Variants in OTULIN observed in about 807,000 individuals in gnomAD.
The protein encoded by OTULIN is OTU deubiquitinase with linear linkage specificity, also known as ubiquitin thioesterase otulin.
In OTULIN, 15 loss-of-function variants were observed where a neutral mutation model predicts 39.6. The ratio of observed to expected loss-of-function variants is 0.38; its 90% CI spans 0.25 to 0.58. The LOEUF (loss-of-function observed/expected upper bound fraction) is 0.58. Among genes scored for constraint, OTULIN ranks in the 20% least tolerant of loss-of-function variants. The pLI is 0.66. For synonymous variants in OTULIN, 156 were observed against 170.3 expected (o/e 0.92, Z 0.65); for missense variants, 319 against 445.9 (o/e 0.72, Z 2.56).
At chr5:14,707,353 A>C in the OTULIN span, 7 of 152,000 alleles carry the variant, frequency 4.6e-5, no homozygotes, top group African/African-American at 1.7e-4. Context: ...CTAGAAACCA[A>C]GGATATAGAA....
At chr5:14,672,754 A>G (rs1304767662) in intron 1 of OTULIN, among the ~76,000 whole-genome samples, 1 of 152,062 alleles carries the variant, frequency 6.6e-6, no homozygotes, top group Non-Finnish European at 1.5e-5. Flanking sequence ...ACGGATGCCC[A>G]TCTCCCAGCC....
At chr5:14,681,708 A>G (rs113459239) in intron 4 of OTULIN, 101 bp downstream of exon 4, 1 of 1,324,840 alleles carries the variant, frequency 7.5e-7, no homozygotes, top group African/African-American at 1.5e-5. Flanking sequence ...CGTCTGCAGT[A>G]TGATGTCAGC....
At chr5:14,711,205 T>G in the OTULIN span, 1 of 1,613,966 alleles carries the variant, frequency 6.2e-7, no homozygotes, top group Non-Finnish European at 8.5e-7. Flanking sequence ...CCTTATTCAT[T>G]CTCCTCTCTC....
Position 14,670,650 on chromosome 5 carries a change from G to T in OTULIN, c.153-2992G>T, listed in dbSNP as rs142677913. Among the ~76,000 whole-genome samples the T allele has an allele frequency of 2.4e-3, 371 of 152,268 alleles. 3 individuals carry two copies. Among genetic ancestry groups the T allele is most frequent in the African/African-American group, 8.4e-3 (351 of 41,542 alleles). ...GACAGGGTCTCACTCTATTGCCTGG[G>T]CAGGAGTGCAGTGGTGTGATCATAG... On this transcript the variant is annotated intron_variant, in intron 1 of 6. Transcript: ENST00000284274.
At chr5:14,671,085 T>G (rs1735967969) in intron 1 of OTULIN, among the ~76,000 whole-genome samples, 1 of 152,226 alleles carries the variant, frequency 6.6e-6, no homozygotes. Flanking sequence ...CCCTTTGCAT[T>G]TAGTTCTCCT....
rs890785748 is a variant in OTULIN, at chr5:14,687,403, T to C, written c.469-118T>C. 1.4e-5 allele frequency: 17 copies of C among 1,246,416 alleles called. No individual in the cohort carries two copies. The African/African-American group carries it at 2.5e-4, about 18-fold the overall frequency. 77.2% of individuals were successfully genotyped at this position (1,246,416 alleles called of 1,614,324 possible). A position where few individuals can be genotyped will look rare whatever the true frequency, so the allele number is the denominator to read the frequency against. ...AAGCCCACATCACAGATTTGCAGAA[T>C]TAATTCTGGAAACAAAGTTAGGTTT... On this transcript the variant is annotated intron_variant, in intron 4 of 6. Transcript: ENST00000284274.
rs375600189 is a variant in OTULIN at position 14,666,629 on chromosome 5, G to A, written c.152+1652G>A. Among the ~76,000 whole-genome samples, 18 of 152,222 alleles carry A rather than the reference G, an allele frequency of 1.2e-4. No individual in the cohort carries two copies. In the East Asian group the frequency reaches 3.5e-3, roughly 29 times the overall value. ...AAGTTTGCTTCCCAGTAGATGTCCC[G>A]GTTTGTGTGTGTGGTTTTTAGCAGC... is the stretch of plus-strand genomic sequence containing the variant. On this transcript the variant is annotated intron_variant, in intron 1 of 6. Coordinates refer to ENST00000284274, the MANE Select transcript of OTULIN (RefSeq NM_138348.6).
intron 2 of OTULIN, among the ~76,000 whole-genome samples, chr5:14,677,218 GGTTTA>G (rs1183779310): frequency 1.3e-5 from 2 of 152,028 alleles, no homozygotes; most frequent in African/African-American, 4.8e-5. Context: ...ATCACACCCT[GGTTTA>G]TAAGTGCTTG....
chr5:14,676,409 A>AG (rs2126819520), intron 2 of OTULIN, among the ~76,000 whole-genome samples: 1 of 152,340 alleles, frequency 6.6e-6, no homozygotes, highest in African/African-American at 2.4e-5. Context: ...CCTGGCATGT[A>AG]GTAGCCATTG....
chr5:14,706,038 T>G, the OTULIN span: 1 of 152,192 alleles, frequency 6.6e-6, no homozygotes, highest in Non-Finnish European at 1.5e-5. Context: ...GGTACAACCA[T>G]TTTTAGCTGG....
rs142864687 is a variant in OTULIN, at chr5:14,683,622, C to T, written c.468+2015C>T. On this transcript the variant is annotated intron_variant, in intron 4 of 6. Transcript: ENST00000284274. Reference sequence around the variant, plus strand: ...ATGTTCTTAGCTACTCAGGAGGCTGCGCTGGCAACTGTGGCTATATTATAT... The same window carrying T: ...ATGTTCTTAGCTACTCAGGAGGCTGTGCTGGCAACTGTGGCTATATTATAT... 3.8e-3 allele frequency among the ~76,000 whole-genome samples: 573 copies of T among 152,232 alleles called. 1 individual carries two copies. Among genetic ancestry groups the T allele is most frequent in the Admixed American group, 6.0e-3 (92 of 15,296 alleles).
At chr5:14,683,313 T>A (rs772076167) in intron 4 of OTULIN, among the ~76,000 whole-genome samples, 2 of 152,198 alleles carry the variant, frequency 1.3e-5, no homozygotes, top group South Asian at 2.1e-4. Flanking sequence ...TAAGCAAAGA[T>A]GCATGCCATC....
the OTULIN span, chr5:14,713,000 T>C: frequency 6.2e-7 from 1 of 1,601,480 alleles, no homozygotes; most frequent in East Asian, 2.2e-5. Context: ...AAAGGCAATT[T>C]GTCTGTTAAG....
intron 1 of OTULIN, among the ~76,000 whole-genome samples, chr5:14,665,206 C>T (rs1735802824): frequency 6.6e-6 from 1 of 152,228 alleles, no homozygotes; most frequent in Non-Finnish European, 1.5e-5. Flanking sequence ...CCCCTCTCGT[C>T]TCATTTTTGA....
chr5:14,688,773 T>C (rs1736450292), intron 5 of OTULIN, among the ~76,000 whole-genome samples: 1 of 152,164 alleles, frequency 6.6e-6, no homozygotes, highest in Non-Finnish European at 1.5e-5. Context: ...AGTGGAAGGC[T>C]GACGGCAGGG....
the OTULIN span, chr5:14,710,313 C>T: frequency 6.6e-6 from 1 of 152,226 alleles, no homozygotes; most frequent in Non-Finnish European, 1.5e-5. Context: ...CTCCATGTGA[C>T]TCGCTCTAAT....
intron 4 of OTULIN, among the ~76,000 whole-genome samples, chr5:14,686,263 T>G (rs1736385515): frequency 6.6e-6 from 1 of 152,052 alleles, no homozygotes; most frequent in Non-Finnish European, 1.5e-5. Flanking sequence ...TTATTTTATT[T>G]TATGTATTTA....
At chr5:14,700,481 A>C (rs912394282), downstream of OTULIN, among the ~76,000 whole-genome samples, 4 of 152,130 alleles carry the variant, frequency 2.6e-5, no homozygotes, top group African/African-American at 9.7e-5. Flanking sequence ...GCATGGTTCC[A>C]AACTTGGGGA....
chr5:14,694,069 G>GT lies in OTULIN; in HGVS notation c.*1023dup, dbSNP rs1202749603. 2.0e-5 allele frequency: 3 copies of GT among 152,304 alleles called. No homozygotes were observed. The highest frequency in any genetic ancestry group is 7.2e-5 in the African/African-American group (3 of 41,474). 9.4% of individuals were successfully genotyped at this position (152,304 alleles called of 1,614,324 possible). A position where few individuals can be genotyped will look rare whatever the true frequency, so the allele number is the denominator to read the frequency against. Reference sequence around the variant, plus strand: ...TTTTCCTATGCTCTTTTCATGCTGTGTTGGAGGGTGTGTCCACTGCCAGAT... The same window carrying GT: ...TTTTCCTATGCTCTTTTCATGCTGTGTTTGGAGGGTGTGTCCACTGCCAGAT... On this transcript the variant is annotated 3_prime_UTR_variant, in exon 7 of 7. Transcript: ENST00000284274.
Sources: gnomAD v4.1 joint callset for allele counts (sites outside exome capture counted in the v4.1 genomes callset) on GRCh38, gnomAD v4.1.1 for gene constraint, MANE v1.5 for transcripts, NCBI Gene and HGNC (gene_info 2026-07-23, HGNC 2026-07-21) for gene names.